Variants in MCAT observed in about 807,000 individuals in gnomAD.
MCAT encodes malonyl-CoA-acyl carrier protein transacylase, also known as malonyl-CoA-acyl carrier protein transacylase, mitochondrial.
A neutral mutation model predicts 22.9 loss-of-function variants in MCAT; 22 were observed. The observed-to-expected ratio is 0.96, with a 90% CI of 0.69 to 1.37. MCAT has a LOEUF of 1.37. Ranked by LOEUF, MCAT falls within the 40% of genes most tolerant of loss-of-function variation. The pLI is 0.00. For synonymous variants in MCAT, 240 were observed against 233.9 expected (o/e 1.03, Z -0.24); for missense variants, 534 against 533.6 (o/e 1.00, Z -0.01).
rs556288175 is a variant in MCAT, at chr22:43,133,490, G to A, written c.730-4C>T. 1.9e-6 allele frequency: 3 copies of A among 1,599,832 alleles called. No individual in the cohort carries two copies. The South Asian group carries it at 3.3e-5, about 18-fold the overall frequency. On this transcript the variant is annotated splice_region_variant and splice_polypyrimidine_tract_variant and intron_variant, in intron 3 of 3. Transcript: ENST00000290429. ...TCTTCTGGAGAAACCGTAGAGCCTG[G>A]GGAAGGAAGGAGGTTTCAGCCGAGC...
intron 3 of MCAT, among the ~76,000 whole-genome samples, chr22:43,134,002 G>A (rs574970442): frequency 5.9e-5 from 9 of 152,110 alleles, no homozygotes; most frequent in South Asian, 2.1e-4. Flanking sequence ...TCCAGACCTC[G>A]TGATCCACCC....
Position 43,133,023 on chromosome 22 carries a change from C to T in MCAT, c.*20G>A, listed in dbSNP as rs7402. 1,020,140 of 1,604,566 alleles carry T rather than the reference C, an allele frequency of 0.64. 336,821 individuals are homozygous for T. The highest frequency in any genetic ancestry group is 0.68 in the Non-Finnish European group (800,261 of 1,173,778). On this transcript the variant is annotated 3_prime_UTR_variant, in exon 4 of 4. Transcript: ENST00000290429. ...TCCTCAGGAGGACAGAGGGGGTCATCGCATTTGAGCCCCCTGCAGTCATCT... is the reference window on the plus strand; with the variant it reads ...TCCTCAGGAGGACAGAGGGGGTCATTGCATTTGAGCCCCCTGCAGTCATCT...
intron 3 of MCAT, among the ~76,000 whole-genome samples, chr22:43,133,778 C>T (rs988057516): frequency 2.0e-5 from 3 of 151,926 alleles, no homozygotes; most frequent in Non-Finnish European, 4.4e-5. Flanking sequence ...AACGCACTAT[C>T]TAAGAAGTGT....
Position 43,133,186 on chromosome 22 carries a change from G to A in MCAT, c.1030C>T (p.Gln344Ter). ...CTGCCAGGGCCTACTTCGAAAGTTTGGGGGAACCCCCTGCCCTTTTTCCTT... is the reference window on the plus strand; with the variant it reads ...CTGCCAGGGCCTACTTCGAAAGTTTAGGGGAACCCCCTGCCCTTTTTCCTT... ...YERKKGRGFP[Q>*]TFEVGPGRQL... is the part of the protein sequence containing the mutation. Residue 344 changes from glutamine to a stop codon, truncating the protein, a stop_gained, in exon 4 of 4, where the codon CAA (glutamine) becomes TAA (stop). Coordinates refer to ENST00000290429, the MANE Select transcript of MCAT (RefSeq NM_173467.5). LOFTEE classifies it low-confidence loss of function (END_TRUNC). 1 of 1,614,218 alleles carries A rather than the reference G, an allele frequency of 6.2e-7. No individual in the cohort carries two copies. Among genetic ancestry groups the A allele is most frequent in the Middle Eastern group, 1.6e-4 (1 of 6,062 alleles).
At chr22:43,135,458 C>A (rs1032405960) in intron 3 of MCAT, among the ~76,000 whole-genome samples, 22 of 141,284 alleles carry the variant, frequency 1.6e-4, no homozygotes, top group African/African-American at 4.9e-4. Flanking sequence ...GAGCCAAGAT[C>A]GTGCCACTGC....
In MCAT at chr22:43,132,895, CT is replaced by C; in HGVS notation, c.*147del. ...TGTAAAGAAATACTCATTTTTAGGGCTTTTTATGTGGCCTTCAAAGCACGTT... is the reference window on the plus strand; with the variant it reads ...TGTAAAGAAATACTCATTTTTAGGGCTTTTATGTGGCCTTCAAAGCACGTT... On this transcript the variant is annotated 3_prime_UTR_variant, in exon 4 of 4. Transcript: ENST00000290429. 1.5e-6 allele frequency: 1 copy of C among 676,988 alleles called. No individual in the cohort carries two copies. Among genetic ancestry groups the C allele is most frequent in the Non-Finnish European group, 2.5e-6 (1 of 399,424 alleles). The allele number at this position is 676,988 out of a possible 1,614,324, so 41.9% of individuals were successfully genotyped here.
At position 43,142,958 on chromosome 22, in the gene MCAT, C is replaced by A; in HGVS notation, c.391G>T (p.Ala131Ser). The A allele has an allele frequency of 6.3e-7, 1 of 1,591,904 alleles. No homozygotes were observed. The highest frequency in any genetic ancestry group is 8.6e-7 in the Non-Finnish European group (1 of 1,168,954). ...QPAIFVASLA[A>S]VEKLHHLQPS... ...TGCAGGTGATGTAGTTTCTCGACAG[C>A]GGCCAGCGATGCCACGAAGATCGCG... is the stretch of plus-strand genomic sequence containing the variant. Residue 131 changes from alanine (A) to serine (S), a missense_variant, in exon 1 of 4, where the codon GCT (alanine) becomes TCT (serine). Physicochemically the swap from Ala to Ser is moderately conservative, Grantham distance 99. Coordinates refer to ENST00000290429, the MANE Select transcript of MCAT (RefSeq NM_173467.5).
intron 3 of MCAT, among the ~76,000 whole-genome samples, chr22:43,135,793 C>T (rs991530589): frequency 3.3e-5 from 5 of 152,310 alleles, no homozygotes; most frequent in East Asian, 1.9e-4. Flanking sequence ...GCCTGGCACA[C>T]GGTGAGCCCT....
intron 1 of MCAT, among the ~76,000 whole-genome samples, chr22:43,142,117 G>A (rs917085750): frequency 6.6e-6 from 1 of 152,226 alleles, no homozygotes; most frequent in African/African-American, 2.4e-5. Flanking sequence ...AAGGTGGTGT[G>A]AAGGTGAAAT....
chr22:43,134,290 C>T (rs903775504), intron 3 of MCAT, among the ~76,000 whole-genome samples: 2 of 152,138 alleles, frequency 1.3e-5, no homozygotes, highest in Admixed American at 6.6e-5. Flanking sequence ...GAAGGGGCCT[C>T]GGGCGAGCCA....
intron 2 of MCAT, among the ~76,000 whole-genome samples, chr22:43,139,258 A>G (rs1027787788): frequency 6.6e-6 from 1 of 152,150 alleles, no homozygotes; most frequent in Non-Finnish European, 1.5e-5. Context: ...CACAGTGGCT[A>G]ATGCCTGTAA....
At chr22:43,139,507 C>CA (rs1310712726) in intron 2 of MCAT, among the ~76,000 whole-genome samples, 4 of 150,840 alleles carry the variant, frequency 2.7e-5, no homozygotes, top group African/African-American at 9.8e-5. Flanking sequence ...GCTGGGGTGA[C>CA]AGAGCAAGAT....
intron 1 of MCAT, among the ~76,000 whole-genome samples, chr22:43,142,325 A>C (rs531253042): frequency 1.3e-5 from 2 of 151,990 alleles, no homozygotes; most frequent in Non-Finnish European, 2.9e-5. Context: ...GATTTAAGTA[A>C]AGAATAAAAA....
intron 3 of MCAT, among the ~76,000 whole-genome samples, chr22:43,134,714 T>G (rs1930554277): frequency 6.6e-6 from 1 of 152,012 alleles, no homozygotes; most frequent in Non-Finnish European, 1.5e-5. Flanking sequence ...ACCACTGAGG[T>G]GTGGGCTACT....
chr22:43,142,797 A>AAC (rs1569474691), intron 1 of MCAT, 129 bp downstream of exon 1: 95 of 836,356 alleles, frequency 1.1e-4, no homozygotes, highest in African/African-American at 4.3e-4. Flanking sequence ...AAAAACAAAC[A>AAC]AAAAAAAAAA....
In MCAT at chr22:43,141,399, T is replaced by C. The variant is rs571492820; in HGVS notation, c.424-150A>G. The stretch of plus-strand genomic sequence containing the variant: ...CCAGCTGGAAGAGGACACACAAAAG[T>C]GACCTTGACAATCATTGAGTCCTGC... On this transcript the variant is annotated intron_variant, in intron 1 of 3. Transcript: ENST00000290429. The C allele has an allele frequency of 6.2e-5, 41 of 663,008 alleles. 1 individual carries two copies. The African/African-American group carries it at 6.8e-4, about 11-fold the overall frequency. The allele number at this position is 663,008 out of a possible 1,614,324, so 41.1% of individuals were successfully genotyped here. A position where few individuals can be genotyped will look rare whatever the true frequency, so the allele number is the denominator to read the frequency against.
rs1364178154 is a variant in MCAT, at chr22:43,137,310, G to C, written c.512-12C>G. Reference sequence around the variant, plus strand: ...CACTGCATACAAACCTGGCCAGAGAGAAGCGCATTTGGAAAAATGAGGGCA... The same window carrying C: ...CACTGCATACAAACCTGGCCAGAGACAAGCGCATTTGGAAAAATGAGGGCA... On this transcript the variant is annotated splice_polypyrimidine_tract_variant and intron_variant, in intron 2 of 3. Transcript: ENST00000290429. 6.2e-7 allele frequency: 1 copy of C among 1,609,578 alleles called. No homozygotes were observed. Among genetic ancestry groups the C allele is most frequent in the Admixed American group, 1.7e-5 (1 of 59,792 alleles).
intron 3 of MCAT, among the ~76,000 whole-genome samples, chr22:43,136,506 C>A (rs1198797623): frequency 6.6e-6 from 1 of 152,218 alleles, no homozygotes; most frequent in African/African-American, 2.4e-5. Context: ...TGCTCTTAGG[C>A]CCATGAGTAG....
chr22:43,143,047 T>C lies in MCAT; in HGVS notation c.302A>G (p.Asp101Gly). The change falls in exon 1 of 4, where the codon GAC (aspartate) becomes GGC (glycine). Residue 101 changes from aspartate to glycine, a missense_variant. Physicochemically the swap from Asp to Gly is moderately conservative, Grantham distance 94 (BLOSUM62 -1). Coordinates refer to ENST00000290429, the MANE Select transcript of MCAT (RefSeq NM_173467.5). ...CCCGTGCAGGCTCAGTTCCAGCAGG[T>C]CGTAGCCCAGCACGCGGCGGGCGGC... ...YAAARRVLGY[D>G]LLELSLHGPQ... The C allele has an allele frequency of 6.2e-7, 1 of 1,610,580 alleles. No homozygotes were observed. The highest frequency in any genetic ancestry group is 8.5e-7 in the Non-Finnish European group (1 of 1,179,268).
Sources: allele counts gnomAD v4.1 joint callset (sites outside exome capture counted in the v4.1 genomes callset), GRCh38; gene constraint gnomAD v4.1.1; transcripts MANE v1.5; gene names NCBI Gene and HGNC (gene_info 2026-07-23, HGNC 2026-07-21).